The following KCNK5 variants were observed in gnomAD, a reference collection of about 807,000 sequenced individuals.
KCNK5 encodes the protein potassium channel subfamily K member 5.
A neutral mutation model predicts 32.9 loss-of-function variants in KCNK5; 18 were observed. The ratio of observed to expected loss-of-function variants is 0.55; its 90% CI spans 0.38 to 0.81. KCNK5 has a LOEUF of 0.81. KCNK5 is among the 30% of genes least tolerant of loss of function. KCNK5 has a pLI of 0.00. For missense variants in KCNK5, 507 were observed against 651.0 expected (o/e 0.78, Z 2.41); for synonymous variants, 276 against 275.3 (o/e 1.00, Z -0.03).
At chr6:39,216,707 G>A (rs1333084913) in intron 1 of KCNK5, among the ~76,000 whole-genome samples, 1 of 152,196 alleles carries the variant, frequency 6.6e-6, no homozygotes, top group Non-Finnish European at 1.5e-5. Flanking sequence ...TCGACATGAT[G>A]TAGGCCACGG....
chr6:39,226,011 C>T (rs907603433), intron 1 of KCNK5, among the ~76,000 whole-genome samples: 5 of 152,222 alleles, frequency 3.3e-5, no homozygotes, highest in African/African-American at 1.2e-4. Context: ...AATGTTTCTA[C>T]TCTATTGGAG....
At chr6:39,205,182 T>C (rs553754207) in intron 1 of KCNK5, among the ~76,000 whole-genome samples, 2 of 152,114 alleles carry the variant, frequency 1.3e-5, no homozygotes, top group African/African-American at 2.4e-5. Context: ...CAGCGTGAGC[T>C]CTCAGGCACC....
chr6:39,209,707 G>A (rs552591631), intron 1 of KCNK5, among the ~76,000 whole-genome samples: 2 of 152,316 alleles, frequency 1.3e-5, no homozygotes, highest in South Asian at 4.1e-4. Flanking sequence ...CCTCCACAAG[G>A]GCTGGGATTT....
At chr6:39,212,214 C>T (rs1771355304) in intron 1 of KCNK5, among the ~76,000 whole-genome samples, 1 of 152,192 alleles carries the variant, frequency 6.6e-6, no homozygotes, top group African/African-American at 2.4e-5. Flanking sequence ...GGCTTGAACC[C>T]AGGAAGCAGA....
chr6:39,194,604 C>A lies in KCNK5; in HGVS notation c.455G>T (p.Gly152Val). Residue 152 changes from glycine to valine, a missense_variant, in exon 3 of 5, where the codon GGT becomes GTT. Gly to Val is a moderately radical substitution (Grantham distance 109). Coordinates refer to ENST00000359534, the MANE Select transcript of KCNK5 (RefSeq NM_003740.4). The surrounding 1 kb of genome is among the most constrained non-coding windows in gnomAD (Gnocchi z 4.7). The part of the protein sequence containing the change: ...KRLGQFLTKR[G>V]VSLRKAQITC... ...GGGTAGGGGACATACCAGACTCACACCTCTCTTGGTAAGGAACTGCCCTAG... is the reference window on the plus strand; with the variant it reads ...GGGTAGGGGACATACCAGACTCACAACTCTCTTGGTAAGGAACTGCCCTAG... 6.2e-7 allele frequency: 1 copy of A among 1,614,130 alleles called. No individual in the cohort carries two copies. Among genetic ancestry groups the A allele is most frequent in the Non-Finnish European group, 8.5e-7 (1 of 1,180,002 alleles).
chr6:39,194,170 G>C lies in KCNK5; in HGVS notation c.633C>G (p.Ala211=). The C allele has an allele frequency of 1.2e-6, 2 of 1,614,018 alleles. No individual in the cohort carries two copies. Among genetic ancestry groups the C allele is most frequent in the Non-Finnish European group, 8.5e-7 (1 of 1,179,956 alleles). The change falls in exon 4 of 5, where the codon GCC becomes GCG. Residue 211 remains alanine, a splice_region_variant and synonymous_variant. Coordinates refer to ENST00000359534, the MANE Select transcript of KCNK5 (RefSeq NM_003740.4). This position sits in a 1 kb window ranked among gnomAD's most constrained non-coding sequence, Gnocchi z 4.7. ...ISTIGFGDFV[A]GVNPSANYHA... ...TGGGAGGCAGAGGCAGGGACTCACC[G>C]GCCACAAAGTCACCGAAGCCGATGG...
intron 1 of KCNK5, among the ~76,000 whole-genome samples, chr6:39,210,233 C>G (rs879731533): frequency 6.6e-6 from 1 of 152,076 alleles, no homozygotes; most frequent in Admixed American, 6.6e-5. Flanking sequence ...GAAGCAGAGC[C>G]CTTCATCCCG....
At chr6:39,199,061 G>A (rs1017200133) in intron 1 of KCNK5, among the ~76,000 whole-genome samples, 2 of 152,126 alleles carry the variant, frequency 1.3e-5, no homozygotes, top group Admixed American at 6.5e-5. Context: ...TGCAGTGAAC[G>A]GACGGAATCC....
intron 1 of KCNK5, among the ~76,000 whole-genome samples, chr6:39,210,298 T>C (rs1490883337): frequency 1.3e-5 from 2 of 152,148 alleles, no homozygotes; most frequent in Non-Finnish European, 2.9e-5. Flanking sequence ...ACACAGTCCC[T>C]TGGCCCTCTC....
intron 1 of KCNK5, among the ~76,000 whole-genome samples, chr6:39,200,031 T>C (rs1771109687): frequency 6.6e-6 from 1 of 152,128 alleles, no homozygotes; most frequent in South Asian, 2.1e-4. Context: ...GGGGCTTTAA[T>C]TGGTCTCCCA....
chr6:39,220,309 C>T (rs2113797366), intron 1 of KCNK5, among the ~76,000 whole-genome samples: 1 of 152,300 alleles, frequency 6.6e-6, no homozygotes, highest in Non-Finnish European at 1.5e-5. Flanking sequence ...AGTACACAGC[C>T]CTGCCTAAAT....
At chr6:39,207,578 T>C (rs989907587) in intron 1 of KCNK5, among the ~76,000 whole-genome samples, 1 of 144,008 alleles carries the variant, frequency 6.9e-6, no homozygotes, top group African/African-American at 2.6e-5. Context: ...GTTCTAGCCC[T>C]GGTGAGTCAG....
intron 1 of KCNK5, among the ~76,000 whole-genome samples, chr6:39,211,990 T>C (rs1428504860): frequency 6.6e-6 from 1 of 150,868 alleles, no homozygotes; most frequent in Non-Finnish European, 1.5e-5. Context: ...AAAGAAAAAA[T>C]TAAATTAAGC....
intron 1 of KCNK5, among the ~76,000 whole-genome samples, chr6:39,212,639 C>T (rs971083709): frequency 1.3e-5 from 2 of 152,220 alleles, no homozygotes; most frequent in African/African-American, 4.8e-5. Flanking sequence ...CTGCACTTGT[C>T]CATGGGCCTC....
intron 1 of KCNK5, among the ~76,000 whole-genome samples, chr6:39,223,261 C>T (rs1290131376): frequency 6.6e-6 from 1 of 152,216 alleles, no homozygotes; most frequent in African/African-American, 2.4e-5. Flanking sequence ...GCCACTCCCA[C>T]AACCATCAGA....
At position 39,191,770 on chromosome 6, in the gene KCNK5, A is replaced by G; in HGVS notation, c.635-15T>C. The G allele has an allele frequency of 3.7e-6, 6 of 1,604,194 alleles. No homozygotes were observed. Among genetic ancestry groups the G allele is most frequent in the Non-Finnish European group, 5.1e-6 (6 of 1,173,632 alleles). On this transcript the variant is annotated splice_polypyrimidine_tract_variant and intron_variant, in intron 4 of 4. Transcript: ENST00000359534. The surrounding 1 kb of genome is among the most constrained non-coding windows in gnomAD (Gnocchi z 5.8). ...GGGGTTCACACCTGAGCGGACAGGC[A>G]GTCCAGAGGTCAGGAAGAGTTAGCA...
chr6:39,200,419 G>C (rs2113783460), intron 1 of KCNK5, among the ~76,000 whole-genome samples: 1 of 152,246 alleles, frequency 6.6e-6, no homozygotes, highest in East Asian at 1.9e-4. Context: ...TGTGCCTTTA[G>C]CTCATTTAGA....
chr6:39,200,754 T>G (rs1371990342), intron 1 of KCNK5, among the ~76,000 whole-genome samples: 2 of 152,240 alleles, frequency 1.3e-5, no homozygotes, highest in Non-Finnish European at 2.9e-5. Flanking sequence ...GATGTCCAGC[T>G]GCCCCAACCC....
chr6:39,211,550 A>G (rs889105790), intron 1 of KCNK5, among the ~76,000 whole-genome samples: 3 of 152,246 alleles, frequency 2.0e-5, no homozygotes, highest in Non-Finnish European at 4.4e-5. Flanking sequence ...GTACTGCCCA[A>G]GAGAACTCTC....
Sources: allele counts gnomAD v4.1 joint callset (sites outside exome capture counted in the v4.1 genomes callset), GRCh38; gene constraint gnomAD v4.1.1; non-coding constraint Gnocchi (gnomAD v3.1); transcripts MANE v1.5; gene names NCBI Gene and HGNC (gene_info 2026-07-23, HGNC 2026-07-21).